Variants in ZRANB3 observed in about 807,000 individuals in gnomAD.
ZRANB3 encodes the protein DNA annealing helicase and endonuclease ZRANB3.
ZRANB3 carries 125 observed loss-of-function variants against 133.8 expected under a neutral mutation model. The ratio of observed to expected loss-of-function variants is 0.93; its 90% CI spans 0.81 to 1.08. The LOEUF (loss-of-function observed/expected upper bound fraction) is 1.08. Among genes scored for constraint, ZRANB3 ranks in the 50% least tolerant of loss-of-function variants. ZRANB3 has a pLI of 0.00. For missense variants in ZRANB3, 1,229 were observed against 1,275.5 expected, an observed-to-expected ratio of 0.96 and a Z score of 0.56; for synonymous variants, 387 against 432.7, an observed-to-expected ratio of 0.89 and a Z score of 1.31.
chr2:135,525,683 A>G (rs996174016), intron 1 of ZRANB3, among the ~76,000 whole-genome samples: 8 of 152,084 alleles, frequency 5.3e-5, no homozygotes, highest in Non-Finnish European at 7.4e-5. Flanking sequence ...CCCCGTCTCT[A>G]TTAAAAATAA....
chr2:135,299,654 G>C (rs1210086803), intron 8 of ZRANB3, among the ~76,000 whole-genome samples: 2 of 152,088 alleles, frequency 1.3e-5, no homozygotes, highest in Non-Finnish European at 2.9e-5. Context: ...ATCTGAAAAA[G>C]AGACCTTGAT....
chr2:135,232,113 G>A (rs1004092458), intron 12 of ZRANB3, among the ~76,000 whole-genome samples: 2 of 152,192 alleles, frequency 1.3e-5, no homozygotes, highest in Admixed American at 6.5e-5. Context: ...CTTTTCCAAC[G>A]GTCTTAGCAA....
intron 8 of ZRANB3, among the ~76,000 whole-genome samples, chr2:135,283,856 C>A (rs1194374556): frequency 6.6e-6 from 1 of 151,764 alleles, no homozygotes; most frequent in African/African-American, 2.4e-5. Context: ...ATGGCTCATG[C>A]CTGTAGTCCC....
chr2:135,463,508 C>T (rs1471669977), intron 2 of ZRANB3, among the ~76,000 whole-genome samples: 1 of 151,870 alleles, frequency 6.6e-6, no homozygotes, highest in Non-Finnish European at 1.5e-5. Context: ...ACCTCCGCCT[C>T]CCAGGTTCAA....
At chr2:135,346,791 G>T (rs1684954547) in intron 5 of ZRANB3, among the ~76,000 whole-genome samples, 2 of 152,174 alleles carry the variant, frequency 1.3e-5, no homozygotes, top group South Asian at 4.2e-4. Flanking sequence ...CAGCTTTATT[G>T]TGACATGTAA....
In ZRANB3 at chr2:135,389,654, G is replaced by A. The variant is rs568079870; in HGVS notation, c.180+1148C>T. On this transcript the variant is annotated intron_variant, in intron 3 of 20. Transcript: ENST00000264159. ...CGGGAGGCAGAGGTTGCAGTGAGCCGAGATCGTGCCATTGCACTGCAGCCT... is the reference window on the plus strand; with the variant it reads ...CGGGAGGCAGAGGTTGCAGTGAGCCAAGATCGTGCCATTGCACTGCAGCCT... 1.3e-5 allele frequency among the ~76,000 whole-genome samples: 2 copies of A among 152,156 alleles called. 1 individual carries two copies. The highest frequency in any genetic ancestry group is 1.3e-4 in the Admixed American group (2 of 15,280).
intron 1 of ZRANB3, among the ~76,000 whole-genome samples, chr2:135,525,359 A>T (rs532651842): frequency 1.6e-4 from 24 of 152,192 alleles, no homozygotes; most frequent in Admixed American, 1.4e-3. Flanking sequence ...CATTAGTAGG[A>T]AAGAAAATGG....
At chr2:135,276,968 A>G (rs570445146) in intron 8 of ZRANB3, among the ~76,000 whole-genome samples, 9 of 152,338 alleles carry the variant, frequency 5.9e-5, no homozygotes, top group African/African-American at 2.2e-4. Context: ...CCTATTCCAT[A>G]TAATAGGTAA....
At chr2:135,271,965 T>C (rs1385736145) in intron 9 of ZRANB3, 78 bp from the exon 10 acceptor site, 3 of 1,359,326 alleles carry the variant, frequency 2.2e-6, no homozygotes, top group Non-Finnish European at 1.9e-6. Context: ...TTACAGCTTA[T>C]TTTTATGGTC....
intron 6 of ZRANB3, among the ~76,000 whole-genome samples, chr2:135,343,186 CA>C (rs1176402987): frequency 1.5e-3 from 72 of 46,514 alleles, no homozygotes; most frequent in South Asian, 3.6e-3. Context: ...ACTCTGTCTC[CA>C]AAAAAAAAAA....
intron 18 of ZRANB3, among the ~76,000 whole-genome samples, chr2:135,208,663 G>GTCCT (rs1242894217): frequency 6.6e-6 from 1 of 152,224 alleles, no homozygotes; most frequent in Non-Finnish European, 1.5e-5. Flanking sequence ...TGGTCTCAGT[G>GTCCT]TCCTTCTTCA....
At chr2:135,442,639 GATTCCT>G (rs1162159883) in intron 2 of ZRANB3, among the ~76,000 whole-genome samples, 3 of 152,168 alleles carry the variant, frequency 2.0e-5, no homozygotes, top group Non-Finnish European at 1.5e-5. Flanking sequence ...ACAGTGTGGT[GATTCCT>G]CAAGGATCTA....
chr2:135,528,089 G>T (rs1195275897), intron 1 of ZRANB3, among the ~76,000 whole-genome samples: 2 of 151,804 alleles, frequency 1.3e-5, no homozygotes, highest in African/African-American at 4.8e-5. Flanking sequence ...GACAGGCCTG[G>T]ATATGAATCT....
chr2:135,472,497 CAAAAAAAA>C (rs35241215), intron 2 of ZRANB3, among the ~76,000 whole-genome samples: 3 of 62,002 alleles, frequency 4.8e-5, no homozygotes, highest in Non-Finnish European at 7.5e-5. Flanking sequence ...GACTCGGTCT[CAAAAAAAA>C]AAAAAAAAAA....
intron 2 of ZRANB3, among the ~76,000 whole-genome samples, chr2:135,483,066 G>A (rs1691911197): frequency 6.6e-6 from 1 of 152,198 alleles, no homozygotes; most frequent in South Asian, 2.1e-4. Context: ...AAGGATATTG[G>A]TCTAAAATTC....
intron 6 of ZRANB3, among the ~76,000 whole-genome samples, chr2:135,318,370 G>T (rs1683361193): frequency 6.6e-6 from 1 of 151,868 alleles, no homozygotes; most frequent in African/African-American, 2.4e-5. Context: ...TATAAAATGG[G>T]AAGATCCACT....
rs116238181 is a variant in ZRANB3, at chr2:135,309,472, A to G, written c.966+4017T>C. 5.6e-3 allele frequency among the ~76,000 whole-genome samples: 857 copies of G among 152,318 alleles called. 7 individuals carry two copies. Among genetic ancestry groups the G allele is most frequent in the African/African-American group, 0.02 (815 of 41,562 alleles). On this transcript the variant is annotated intron_variant, in intron 8 of 20. Coordinates refer to ENST00000264159, the MANE Select transcript of ZRANB3 (RefSeq NM_032143.4). ...ATAAAAATGTCTTTATGTGCAGACAAAATGATCCTATATCTTCTAGAATTA... is the reference window on the plus strand; with the variant it reads ...ATAAAAATGTCTTTATGTGCAGACAGAATGATCCTATATCTTCTAGAATTA...
At chr2:135,443,127 G>GAAAGAA (rs1030427158) in intron 2 of ZRANB3, among the ~76,000 whole-genome samples, 5 of 130,008 alleles carry the variant, frequency 3.8e-5, no homozygotes, top group African/African-American at 1.9e-4. Context: ...AAAAAAAAAA[G>GAAAGAA]AAAGAAAAAG....
chr2:135,401,124 T>C (rs1037944692), intron 2 of ZRANB3, among the ~76,000 whole-genome samples: 2 of 152,156 alleles, frequency 1.3e-5, no homozygotes, highest in Non-Finnish European at 2.9e-5. Context: ...GTTTTTACAA[T>C]AGTCGGACTT....
Sources: allele counts gnomAD v4.1 joint callset (sites outside exome capture counted in the v4.1 genomes callset), GRCh38; gene constraint gnomAD v4.1.1; transcripts MANE v1.5; gene names NCBI Gene and HGNC (gene_info 2026-07-23, HGNC 2026-07-21).